Variants in IGLON5 observed in about 807,000 individuals in gnomAD.
The protein encoded by IGLON5 is IgLON family member 5, also known as Ig-like domain-containing protein ENSP00000270642.
A neutral mutation model predicts 38.2 loss-of-function variants in IGLON5; 16 were observed. The observed-to-expected ratio is 0.42, with a 90% CI of 0.28 to 0.64. The LOEUF is 0.64. IGLON5 is among the 30% of genes least tolerant of loss of function. The pLI is 0.23. For synonymous variants in IGLON5, 207 were observed against 216.4 expected (o/e 0.96, Z 0.38); for missense variants, 366 against 483.4 (o/e 0.76, Z 2.28).
chr19:51,320,338 GC>G (rs1181358809), intron 1 of IGLON5, among the ~76,000 whole-genome samples: 1 of 152,192 alleles, frequency 6.6e-6, no homozygotes, highest in Non-Finnish European at 1.5e-5. Flanking sequence ...GGCAGCACGG[GC>G]CATTAATTCA....
Position 51,327,455 on chromosome 19 carries a change from G to C in IGLON5, c.767+255G>C, listed in dbSNP as rs1985246340. 1.3e-5 allele frequency among the ~76,000 whole-genome samples: 2 copies of C among 152,132 alleles called. No individual in the cohort carries two copies. Among genetic ancestry groups the C allele is most frequent in the African/African-American group, 4.8e-5 (2 of 41,434 alleles). ...CCAGGGGTCGGGGGTCAATGCTGAG[G>C]ATCTGTCGGGCAAGATTTAGGGGAC... is the stretch of plus-strand genomic sequence containing the variant. On this transcript the variant is annotated intron_variant, in intron 6 of 7. Coordinates refer to ENST00000270642, the MANE Select transcript of IGLON5 (RefSeq NM_001101372.3). The surrounding 1 kb of genome is among the most constrained non-coding windows in gnomAD (Gnocchi z 7.1).
Position 51,328,995 on chromosome 19 carries a change from T to A in IGLON5, c.*236T>A, listed in dbSNP as rs372161955. On this transcript the variant is annotated 3_prime_UTR_variant, in exon 8 of 8. Transcript: ENST00000270642. ...CAGCCATTCTCGCCACCCGTTCACG[T>A]TTCCGATTGTGACCCACTCCCGCCA... 33 of 455,582 alleles carry A rather than the reference T, an allele frequency of 7.2e-5. No homozygotes were observed. The highest frequency in any genetic ancestry group is 1.9e-4 in the East Asian group (5 of 26,076). 28.2% of individuals were successfully genotyped at this position (455,582 alleles called of 1,614,324 possible).
At chr19:51,328,509 A>C (rs917009943) in intron 7 of IGLON5, among the ~76,000 whole-genome samples, 162 bp from the exon 8 acceptor site, 1 of 146,056 alleles carries the variant, frequency 6.8e-6, no homozygotes, top group East Asian at 2.0e-4. Context: ...AAAAAAGAAA[A>C]AAAAAAAAAA....
Position 51,325,651 on chromosome 19 carries a change from G to A in IGLON5, c.511+186G>A, listed in dbSNP as rs1015429112. Reference sequence around the variant, plus strand: ...CCCAGACCTAAGAGGCGTCACCACTGGCTTTCCACCTGCCGTCCTAGGCCT... The same window carrying A: ...CCCAGACCTAAGAGGCGTCACCACTAGCTTTCCACCTGCCGTCCTAGGCCT... On this transcript the variant is annotated intron_variant, in intron 4 of 7. Coordinates refer to ENST00000270642, the MANE Select transcript of IGLON5 (RefSeq NM_001101372.3). This position sits in a 1 kb window ranked among gnomAD's most constrained non-coding sequence, Gnocchi z 5.5. Among the ~76,000 whole-genome samples, 1 of 151,926 alleles carries A rather than the reference G, an allele frequency of 6.6e-6. No homozygotes were observed. Among genetic ancestry groups the A allele is most frequent in the Non-Finnish European group, 1.5e-5 (1 of 67,994 alleles).
Position 51,327,726 on chromosome 19 carries a change from T to G in IGLON5, c.768-6T>G. 6.4e-7 allele frequency: 1 copy of G among 1,565,970 alleles called. No homozygotes were observed. The stretch of plus-strand genomic sequence containing the variant: ...CGGCCCGGCCCCTGACCCGGATCCC[T>G]GGCAGGCTGAGCAGCGGCACGGCCG... On this transcript the variant is annotated splice_region_variant and splice_polypyrimidine_tract_variant and intron_variant, in intron 6 of 7. Coordinates refer to ENST00000270642, the MANE Select transcript of IGLON5 (RefSeq NM_001101372.3). The surrounding 1 kb of genome is among the most constrained non-coding windows in gnomAD (Gnocchi z 7.1).
In IGLON5 at chr19:51,325,509, C is replaced by T. The variant is rs1328787813; in HGVS notation, c.511+44C>T. On this transcript the variant is annotated intron_variant, in intron 4 of 7. Coordinates refer to ENST00000270642, the MANE Select transcript of IGLON5 (RefSeq NM_001101372.3). The surrounding 1 kb of genome is among the most constrained non-coding windows in gnomAD (Gnocchi z 5.5). ...GTCAAAAGCCCCGTCCCCCACTGCG[C>T]AGTCTGGGCCCCTCCATTCCCCATA... 6.5e-7 allele frequency: 1 copy of T among 1,549,830 alleles called. No homozygotes were observed. Among genetic ancestry groups the T allele is most frequent in the Non-Finnish European group, 8.7e-7 (1 of 1,147,058 alleles).
chr19:51,318,687 A>G (rs1416732108), intron 1 of IGLON5, among the ~76,000 whole-genome samples: 2 of 152,118 alleles, frequency 1.3e-5, no homozygotes, highest in Non-Finnish European at 2.9e-5. Context: ...GTGAGCCATG[A>G]TCATGCCACT....
chr19:51,328,505 GAA>G (rs61422289), intron 7 of IGLON5, among the ~76,000 whole-genome samples, 164 bp from the exon 8 acceptor site: 1,851 of 111,118 alleles, frequency 0.017, 35 homozygotes, highest in African/African-American at 0.05. Flanking sequence ...CTCAAAAAAA[GAA>G]AAAAAAAAAA....
At chr19:51,312,757 GC>G (rs1476968824) in intron 1 of IGLON5, among the ~76,000 whole-genome samples, 1 of 152,162 alleles carries the variant, frequency 6.6e-6, no homozygotes, top group Non-Finnish European at 1.5e-5. Context: ...CCCCGGCCCG[GC>G]CCGGCCCTCC....
At chr19:51,313,695 C>CTTTCT (rs57541204) in intron 1 of IGLON5, among the ~76,000 whole-genome samples, 8,007 of 50,902 alleles carry the variant, frequency 0.16, 608 homozygotes, top group Middle Eastern at 0.22. Context: ...TTCTTTCTTT[C>CTTTCT]TTCTTTCTTC....
intron 1 of IGLON5, among the ~76,000 whole-genome samples, chr19:51,313,093 C>G (rs1158344075): frequency 1.3e-5 from 2 of 152,174 alleles, no homozygotes; most frequent in South Asian, 4.1e-4. Context: ...CACAGAAACC[C>G]CGTCACAGCG....
chr19:51,327,586 G>C lies in IGLON5; in HGVS notation c.768-146G>C. On this transcript the variant is annotated intron_variant, in intron 6 of 7. Transcript: ENST00000270642. This position sits in a 1 kb window ranked among gnomAD's most constrained non-coding sequence, Gnocchi z 7.1. ...GGGGGCGGCGGTGGGAGTGACCCGA[G>C]GTACATGAGGTGCTAGAACCCGAGG... is the stretch of plus-strand genomic sequence containing the variant. The C allele has an allele frequency of 8.4e-7, 1 of 1,186,348 alleles. No homozygotes were observed. Among genetic ancestry groups the C allele is most frequent in the Non-Finnish European group, 1.2e-6 (1 of 862,166 alleles). The allele number at this position is 1,186,348 out of a possible 1,614,324, so 73.5% of individuals were successfully genotyped here.
chr19:51,325,269 C>A lies in IGLON5; in HGVS notation c.392-77C>A, dbSNP rs867554188. ...GAGGAGGAGGGGCTGGGGGTCTGGA[C>A]TCCTGGGTCTGAAGGAGGAAGGGCT... On this transcript the variant is annotated intron_variant, in intron 3 of 7. Transcript: ENST00000270642. The surrounding 1 kb of genome is among the most constrained non-coding windows in gnomAD (Gnocchi z 5.5). 1 of 1,562,110 alleles carries A rather than the reference C, an allele frequency of 6.4e-7. No individual in the cohort carries two copies. Among genetic ancestry groups the A allele is most frequent in the Non-Finnish European group, 8.7e-7 (1 of 1,153,696 alleles).
Position 51,311,800 on chromosome 19 carries a change from C to A in IGLON5, c.-48C>A. On this transcript the variant is annotated 5_prime_UTR_variant, in exon 1 of 8. Transcript: ENST00000270642. Reference sequence around the variant, plus strand: ...CTCTCCCCCCAGGCCTCGCGCGCCCCGGACCGGCCCCCCCTTTCCCCTCCC... The same window carrying A: ...CTCTCCCCCCAGGCCTCGCGCGCCCAGGACCGGCCCCCCCTTTCCCCTCCC... The A allele has an allele frequency of 2.6e-6, 1 of 391,026 alleles. No homozygotes were observed. The highest frequency in any genetic ancestry group is 1.2e-4 in the South Asian group (1 of 8,400). The allele number at this position is 391,026 out of a possible 1,614,324, so 24.2% of individuals were successfully genotyped here. A position where few individuals can be genotyped will look rare whatever the true frequency, so the allele number is the denominator to read the frequency against.
chr19:51,318,617 C>A (rs1984979957), intron 1 of IGLON5, among the ~76,000 whole-genome samples: 2 of 151,810 alleles, frequency 1.3e-5, no homozygotes, highest in Non-Finnish European at 1.5e-5. Flanking sequence ...TGCCAATAGT[C>A]CCAGCTACTC....
rs1253068851 is a variant in IGLON5, at chr19:51,330,178, CTG to C, written c.*1421_*1422del. ...AAAAGGAGAGGGCAAGGCGCAGTGA[CTG>C]TACCTCAGACGGGGGCATGGGCCCC... is the stretch of plus-strand genomic sequence containing the variant. On this transcript the variant is annotated 3_prime_UTR_variant, in exon 8 of 8. Coordinates refer to ENST00000270642, the MANE Select transcript of IGLON5 (RefSeq NM_001101372.3). 6.7e-6 allele frequency: 1 copy of C among 150,296 alleles called. No individual in the cohort carries two copies. Among genetic ancestry groups the C allele is most frequent in the South Asian group, 2.2e-4 (1 of 4,616 alleles). 9.3% of individuals were successfully genotyped at this position (150,296 alleles called of 1,614,324 possible).
Position 51,325,207 on chromosome 19 carries a change from G to A in IGLON5, c.392-139G>A. ...CGGGTCTGAACTCCCGGGTCTGAGGGAGGAGGGGCTGGGGGTCTGAACTCC... is the reference window on the plus strand; with the variant it reads ...CGGGTCTGAACTCCCGGGTCTGAGGAAGGAGGGGCTGGGGGTCTGAACTCC... On this transcript the variant is annotated intron_variant, in intron 3 of 7. Transcript: ENST00000270642. This position sits in a 1 kb window ranked among gnomAD's most constrained non-coding sequence, Gnocchi z 5.5. The A allele has an allele frequency of 8.2e-7, 1 of 1,215,944 alleles. No homozygotes were observed. Among genetic ancestry groups the A allele is most frequent in the Non-Finnish European group, 1.2e-6 (1 of 868,718 alleles). The allele number at this position is 1,215,944 out of a possible 1,614,324, so 75.3% of individuals were successfully genotyped here.
Position 51,323,685 on chromosome 19 carries a change from C to T in IGLON5, c.182C>T (p.Thr61Ile), listed in dbSNP as rs1985137442. Residue 61 changes from threonine to isoleucine, a missense_variant, in exon 3 of 8, where the codon ACC (threonine) becomes ATC (isoleucine). By Grantham distance (89) the Thr-to-Ile change is moderately conservative. Coordinates refer to ENST00000270642, the MANE Select transcript of IGLON5 (RefSeq NM_001101372.3). The stretch of plus-strand genomic sequence containing the variant: ...AGCTGCTTCATCGACGAGCACGTGA[C>T]CCGCGTGGCCTGGCTGAACCGCTCC... ...TLSCFIDEHV[T>I]RVAWLNRSNI... 9 of 1,612,628 alleles carry T rather than the reference C, an allele frequency of 5.6e-6. No individual in the cohort carries two copies. Among genetic ancestry groups the T allele is most frequent in the Non-Finnish European group, 6.8e-6 (8 of 1,178,848 alleles).
chr19:51,322,573 CCT>C (rs372781205), intron 2 of IGLON5, among the ~76,000 whole-genome samples: 157 of 132,510 alleles, frequency 1.2e-3, no homozygotes, highest in Middle Eastern at 4.0e-3. Flanking sequence ...TCTCTCCACG[CCT>C]CTCTCTCTCT....
Sources: gnomAD v4.1 joint callset for allele counts (sites outside exome capture counted in the v4.1 genomes callset) on GRCh38, gnomAD v4.1.1 for gene constraint, Gnocchi (gnomAD v3.1) non-coding constraint, MANE v1.5 for transcripts, NCBI Gene and HGNC (gene_info 2026-07-23, HGNC 2026-07-21) for gene names.